The following RASA1 variants were observed in gnomAD, a reference collection of about 807,000 sequenced individuals.
The protein encoded by RASA1 is RAS p21 protein activator 1, also known as ras GTPase-activating protein 1.
RASA1 carries 25 observed loss-of-function variants against 132.2 expected under a neutral mutation model. The observed-to-expected ratio is 0.19, with a 90% CI of 0.14 to 0.26. The LOEUF (loss-of-function observed/expected upper bound fraction) is 0.26. RASA1 is among the 10% of genes least tolerant of loss of function. RASA1 has a pLI of 1.00. For synonymous variants in RASA1, 477 were observed against 449.9 expected (o/e 1.06, Z -0.76); for missense variants, 964 against 1,299.2 (o/e 0.74, Z 3.97).
At chr5:87,346,616 A>G (rs1758880624) in intron 6 of RASA1, 56 bp from the exon 7 acceptor site, 1 of 1,130,690 alleles carries the variant, frequency 8.8e-7, no homozygotes, top group South Asian at 1.4e-5. Flanking sequence ...AATTTTGATC[A>G]TATGATAACA....
At chr5:87,374,436 T>C in intron 14 of RASA1, 116 bp downstream of exon 14, 1 of 560,658 alleles carries the variant, frequency 1.8e-6, no homozygotes, top group Non-Finnish European at 2.9e-6. Context: ...CCAGGTGTTC[T>C]AATAGCATAT....
intron 1 of RASA1, among the ~76,000 whole-genome samples, chr5:87,289,125 A>G (rs190317857): frequency 5.3e-5 from 8 of 152,138 alleles, no homozygotes; most frequent in Admixed American, 5.2e-4. Flanking sequence ...CTTTTGTAAC[A>G]TTAACATTTT....
chr5:87,375,513 G>C lies in RASA1; in HGVS notation c.2011+597G>C, dbSNP rs1380742351. Among the ~76,000 whole-genome samples, 3 of 152,020 alleles carry C rather than the reference G, an allele frequency of 2.0e-5. No individual in the cohort carries two copies. In the South Asian group the frequency reaches 6.2e-4, roughly 32 times the overall value. On this transcript the variant is annotated intron_variant, in intron 15 of 24. Transcript: ENST00000274376. ...TGACCTCAGGTGATCTGCCGGCCTC[G>C]GCCTCCCAAAATGCTGGGATTACAT...
chr5:87,340,899 T>G (rs1055969791), intron 5 of RASA1, among the ~76,000 whole-genome samples: 2 of 152,106 alleles, frequency 1.3e-5, no homozygotes, highest in African/African-American at 4.8e-5. Context: ...AAATGTAGAC[T>G]TGAGTCCTGT....
intron 21 of RASA1, 46 bp from the exon 22 acceptor site, chr5:87,385,255 G>A: frequency 8.5e-7 from 1 of 1,177,080 alleles, no homozygotes; most frequent in Non-Finnish European, 1.3e-6. Context: ...TTAGCTGGAA[G>A]TGCTGTTGGA....
intron 1 of RASA1, among the ~76,000 whole-genome samples, chr5:87,296,477 G>T (rs181066179): frequency 6.2e-4 from 94 of 152,194 alleles, no homozygotes; most frequent in Middle Eastern, 3.4e-3. Flanking sequence ...TTATTTTAAT[G>T]TGTCTTGCAA....
At chr5:87,339,567 C>G (rs557989887) in intron 5 of RASA1, among the ~76,000 whole-genome samples, 19 of 151,980 alleles carry the variant, frequency 1.3e-4, no homozygotes, top group Non-Finnish European at 1.9e-4. Context: ...TCTTGGAATT[C>G]TGGATCAAAT....
chr5:87,330,019 C>T (rs1330693228), intron 1 of RASA1, among the ~76,000 whole-genome samples: 1 of 152,036 alleles, frequency 6.6e-6, no homozygotes. Context: ...TAGAGGAATG[C>T]AGTATTGATT....
intron 1 of RASA1, among the ~76,000 whole-genome samples, chr5:87,324,210 A>G (rs1035392194): frequency 2.0e-5 from 3 of 152,232 alleles, no homozygotes; most frequent in Non-Finnish European, 2.9e-5. Flanking sequence ...TTTAAAGAAC[A>G]CAGATACAAG....
intron 7 of RASA1, among the ~76,000 whole-genome samples, chr5:87,348,062 A>AT (rs779618913): frequency 1.4e-4 from 21 of 152,170 alleles, no homozygotes; most frequent in Admixed American, 3.3e-4. Flanking sequence ...TTCCTATCAT[A>AT]TTCTAGAAGA....
intron 1 of RASA1, among the ~76,000 whole-genome samples, chr5:87,305,007 G>A (rs1436354387): frequency 3.2e-5 from 3 of 95,182 alleles, no homozygotes; most frequent in African/African-American, 1.2e-4. Flanking sequence ...ATCTGAAAAT[G>A]TACTTGTTTT....
intron 6 of RASA1, among the ~76,000 whole-genome samples, chr5:87,343,764 G>T (rs571829029): frequency 7.9e-5 from 12 of 152,268 alleles, no homozygotes; most frequent in African/African-American, 2.9e-4. Context: ...AGAGACAGCT[G>T]CACTCCTATG....
At chr5:87,361,029 T>TAC (rs1458951230) in intron 9 of RASA1, among the ~76,000 whole-genome samples, 2 of 152,080 alleles carry the variant, frequency 1.3e-5, no homozygotes, top group East Asian at 3.9e-4. Flanking sequence ...CACACACACA[T>TAC]ACACACACAC....
At chr5:87,280,830 G>C (rs1341888874) in intron 1 of RASA1, among the ~76,000 whole-genome samples, 1 of 150,696 alleles carries the variant, frequency 6.6e-6, no homozygotes, top group Non-Finnish European at 1.5e-5. Flanking sequence ...GATCTCGGCT[G>C]ACTGCAAAGT....
intron 1 of RASA1, among the ~76,000 whole-genome samples, chr5:87,313,607 TAA>T (rs1318206941): frequency 6.6e-6 from 1 of 152,206 alleles, no homozygotes; most frequent in Non-Finnish European, 1.5e-5. Context: ...GAAGATGACT[TAA>T]ATGTCCCCCA....
At chr5:87,346,750 T>A in intron 7 of RASA1, 26 bp downstream of exon 7, 1 of 1,470,382 alleles carries the variant, frequency 6.8e-7, no homozygotes, top group Non-Finnish European at 9.5e-7. Context: ...CTTGCTTTTC[T>A]AATGTCTATT....
intron 3 of RASA1, among the ~76,000 whole-genome samples, chr5:87,332,962 T>A (rs984714402): frequency 6.6e-6 from 1 of 152,148 alleles, no homozygotes; most frequent in African/African-American, 2.4e-5. Flanking sequence ...GATTCTGAAA[T>A]GCCTTGTGTA....
chr5:87,283,195 G>T (rs1436043494), intron 1 of RASA1, among the ~76,000 whole-genome samples: 11 of 62,520 alleles, frequency 1.8e-4, no homozygotes, highest in South Asian at 5.9e-4. Context: ...ATCATCATTT[G>T]GTTGGTTTTA....
chr5:87,377,235 T>C (rs1270615484), intron 17 of RASA1, 195 bp downstream of exon 17: 6 of 689,768 alleles, frequency 8.7e-6, no homozygotes, highest in Non-Finnish European at 1.4e-5. Context: ...CTGATATTTC[T>C]AATGTAGGTT....
Sources: allele counts gnomAD v4.1 joint callset (sites outside exome capture counted in the v4.1 genomes callset), GRCh38; gene constraint gnomAD v4.1.1; transcripts MANE v1.5; gene names NCBI Gene and HGNC (gene_info 2026-07-23, HGNC 2026-07-21).